The following DEPDC1B variants were observed in gnomAD, a reference collection of about 807,000 sequenced individuals.
DEPDC1B encodes DEP domain containing 1B, also known as DEP domain-containing protein 1B.
A neutral mutation model predicts 66.5 loss-of-function variants in DEPDC1B; 51 were observed. The ratio of observed to expected loss-of-function variants is 0.77; its 90% CI spans 0.61 to 0.97. The LOEUF (loss-of-function observed/expected upper bound fraction) is 0.97. DEPDC1B is among the 50% of genes least tolerant of loss of function. The pLI, the probability that DEPDC1B is intolerant of heterozygous loss-of-function variation, is 0.00. For missense variants in DEPDC1B, 552 were observed against 637.1 expected (o/e 0.87, Z 1.44); for synonymous variants, 226 against 223.6 (o/e 1.01, Z -0.10).
intron 7 of DEPDC1B, 65 bp downstream of exon 7, chr5:60,638,685 A>G (rs778526118): frequency 3.5e-5 from 53 of 1,500,742 alleles, no homozygotes; most frequent in Non-Finnish European, 4.1e-5. Flanking sequence ...AAGTCTCAAA[A>G]TAGTGAAAAA....
chr5:60,686,005 C>T (rs1023468163), intron 2 of DEPDC1B, among the ~76,000 whole-genome samples: 3 of 152,220 alleles, frequency 2.0e-5, no homozygotes, highest in Non-Finnish European at 4.4e-5. Flanking sequence ...TAATGCACAG[C>T]AATGTCTGTT....
At chr5:60,606,154 G>C (rs1752304983) in intron 7 of DEPDC1B, among the ~76,000 whole-genome samples, 1 of 152,074 alleles carries the variant, frequency 6.6e-6, no homozygotes, top group African/African-American at 2.4e-5. Context: ...GAGCAGCCAG[G>C]CTAACACTAT....
chr5:60,614,834 T>C (rs1419477418), intron 7 of DEPDC1B, among the ~76,000 whole-genome samples: 1 of 151,730 alleles, frequency 6.6e-6, no homozygotes, highest in Admixed American at 6.6e-5. Flanking sequence ...CTACTAAAAA[T>C]ACAAAACATA....
chr5:60,604,751 ACT>A (rs1561354510), intron 8 of DEPDC1B, among the ~76,000 whole-genome samples: 1 of 152,064 alleles, frequency 6.6e-6, no homozygotes, highest in African/African-American at 2.4e-5. Context: ...GACCCCAGGG[ACT>A]CTGTGATCGC....
At chr5:60,623,115 A>G (rs964438512) in intron 7 of DEPDC1B, among the ~76,000 whole-genome samples, 2 of 152,150 alleles carry the variant, frequency 1.3e-5, no homozygotes, top group African/African-American at 4.8e-5. Context: ...GTTTTTAGAT[A>G]TCTCTATTAT....
chr5:60,653,118 C>T (rs1365487789), intron 2 of DEPDC1B, among the ~76,000 whole-genome samples: 1 of 149,074 alleles, frequency 6.7e-6, no homozygotes, highest in Admixed American at 6.6e-5. Flanking sequence ...TCCTCTGGGT[C>T]GATACCCAGT....
intron 1 of DEPDC1B, among the ~76,000 whole-genome samples, chr5:60,688,398 G>C (rs1754470585): frequency 6.6e-6 from 1 of 152,152 alleles, no homozygotes; most frequent in Admixed American, 6.5e-5. Flanking sequence ...CTGCTGGGTT[G>C]AGAGGCCTAT....
At chr5:60,606,279 C>T (rs1752307440) in intron 7 of DEPDC1B, among the ~76,000 whole-genome samples, 1 of 152,136 alleles carries the variant, frequency 6.6e-6, no homozygotes, top group Admixed American at 6.5e-5. Context: ...GCAGGCTCAC[C>T]ACCTTGCATG....
Position 60,597,090 on chromosome 5 carries a change from G to A in DEPDC1B, c.*663C>T, listed in dbSNP as rs1321536403. The A allele has an allele frequency of 1.3e-5, 2 of 152,532 alleles. No individual in the cohort carries two copies. The highest frequency in any genetic ancestry group is 4.8e-5 in the African/African-American group (2 of 41,422). The allele number at this position is 152,532 out of a possible 1,614,324, so 9.4% of individuals were successfully genotyped here. ...CAACTTTCCATTTTTAGCTAAGACT[G>A]AAATTATACCATTGCAGGCAGATGA... On this transcript the variant is annotated 3_prime_UTR_variant, in exon 11 of 11. Transcript: ENST00000265036.
At chr5:60,638,146 T>C (rs775889591) in intron 7 of DEPDC1B, among the ~76,000 whole-genome samples, 5 of 152,206 alleles carry the variant, frequency 3.3e-5, no homozygotes, top group African/African-American at 4.8e-5. Context: ...GAAAATCTGA[T>C]TTCCAAGAAG....
At chr5:60,638,061 C>T (rs994769517) in intron 7 of DEPDC1B, among the ~76,000 whole-genome samples, 1 of 152,118 alleles carries the variant, frequency 6.6e-6, no homozygotes, top group Non-Finnish European at 1.5e-5. Context: ...GAATATGATA[C>T]CCACACAATA....
At chr5:60,603,591 G>A (rs1474482549) in intron 8 of DEPDC1B, 24 bp from the exon 9 acceptor site, 3 of 1,549,310 alleles carry the variant, frequency 1.9e-6, no homozygotes, top group Non-Finnish European at 2.6e-6. Flanking sequence ...GGGGTGGGGG[G>A]TAAACGCAGA....
At chr5:60,617,334 C>CA (rs2111766423) in intron 7 of DEPDC1B, among the ~76,000 whole-genome samples, 1 of 152,270 alleles carries the variant, frequency 6.6e-6, no homozygotes, top group African/African-American at 2.4e-5. Flanking sequence ...TTAAAAGACC[C>CA]AAACTGGCAA....
At chr5:60,643,976 A>C (rs959153877) in intron 5 of DEPDC1B, among the ~76,000 whole-genome samples, 1 of 152,174 alleles carries the variant, frequency 6.6e-6, no homozygotes, top group Non-Finnish European at 1.5e-5. Flanking sequence ...TCCAGCCCTA[A>C]ATTTAATCAT....
chr5:60,626,404 A>C (rs540100492), intron 7 of DEPDC1B, among the ~76,000 whole-genome samples: 3 of 152,258 alleles, frequency 2.0e-5, no homozygotes, highest in Admixed American at 1.3e-4. Flanking sequence ...TGCTGTGTGA[A>C]CATATGTTCT....
intron 2 of DEPDC1B, among the ~76,000 whole-genome samples, chr5:60,669,225 C>T (rs1753973457): frequency 6.6e-6 from 1 of 152,108 alleles, no homozygotes; most frequent in Non-Finnish European, 1.5e-5. Context: ...ATCTAAACCA[C>T]AAAGAAACAT....
chr5:60,623,299 A>G (rs1470632398), intron 7 of DEPDC1B, among the ~76,000 whole-genome samples: 1 of 152,094 alleles, frequency 6.6e-6, no homozygotes, highest in East Asian at 1.9e-4. Flanking sequence ...TGAATCTACT[A>G]TTGGACCCTC....
chr5:60,638,642 TA>T (rs1753114867), intron 7 of DEPDC1B, 107 bp downstream of exon 7: 2 of 1,174,332 alleles, frequency 1.7e-6, no homozygotes, highest in Non-Finnish European at 2.3e-6. Flanking sequence ...TATCAGTTTT[TA>T]TTTTTAAAAT....
At chr5:60,654,552 A>G (rs1031893499) in intron 2 of DEPDC1B, among the ~76,000 whole-genome samples, 3 of 148,662 alleles carry the variant, frequency 2.0e-5, no homozygotes, top group African/African-American at 7.6e-5. Context: ...TTTTCTATGT[A>G]TACGATCATA....
Sources: gnomAD v4.1 joint callset for allele counts (sites outside exome capture counted in the v4.1 genomes callset) on GRCh38, gnomAD v4.1.1 for gene constraint, MANE v1.5 for transcripts, NCBI Gene and HGNC (gene_info 2026-07-23, HGNC 2026-07-21) for gene names.